JPH3: variants seen among roughly 807,000 people sequenced by gnomAD.
JPH3 encodes junctophilin 3, also known as junctophilin-3.
Under a neutral mutation model 59.6 loss-of-function variants are expected in JPH3, and 11 were observed. The ratio of observed to expected loss-of-function variants is 0.18; its 90% CI spans 0.12 to 0.31. JPH3 has a LOEUF of 0.31. JPH3 is among the 10% of genes least tolerant of loss of function. JPH3 has a pLI of 1.00. For missense variants in JPH3, 1,202 were observed against 1,105.7 expected (o/e 1.09, Z -1.24); for synonymous variants, 673 against 483.6 (o/e 1.39, Z -5.14).
intron 2 of JPH3, among the ~76,000 whole-genome samples, chr16:87,667,267 AG>A (rs1357236961): frequency 4.6e-5 from 7 of 152,302 alleles, no homozygotes; most frequent in African/African-American, 1.7e-4. Context: ...TCTTCTCAAG[AG>A]CCGTACCTTG....
In JPH3 at chr16:87,617,171, C is replaced by T. The variant is rs187389071; in HGVS notation, c.382+13643C>T. On this transcript the variant is annotated intron_variant, in intron 1 of 4. Transcript: ENST00000284262. The stretch of plus-strand genomic sequence containing the variant: ...CTGGGAGGCGGAGGTTGCAGTGAGC[C>T]GAGATTGCGCCGTTGCACTCCAGCC... Among the ~76,000 whole-genome samples the T allele has an allele frequency of 7.8e-3, 1,165 of 149,840 alleles. 17 individuals carry two copies. Among genetic ancestry groups the T allele is most frequent in the African/African-American group, 0.028 (1,099 of 39,336 alleles).
chr16:87,683,559 C>G (rs1252177955), intron 2 of JPH3, among the ~76,000 whole-genome samples: 2 of 152,080 alleles, frequency 1.3e-5, no homozygotes, highest in African/African-American at 4.8e-5. Flanking sequence ...CCGCCTCAGC[C>G]TCCCAAAGTG....
At chr16:87,668,473 T>G (rs2012409528) in intron 2 of JPH3, among the ~76,000 whole-genome samples, 1 of 152,116 alleles carries the variant, frequency 6.6e-6, no homozygotes, top group Admixed American at 6.6e-5. Context: ...GCCTCCCTGT[T>G]AAGGAGAAGC....
At chr16:87,642,094 C>A (rs1219522030) in intron 1 of JPH3, among the ~76,000 whole-genome samples, 2 of 152,094 alleles carry the variant, frequency 1.3e-5, no homozygotes, top group African/African-American at 4.8e-5. Context: ...GGATCAGGAC[C>A]CTTTGGGGGG....
At position 87,683,289 on chromosome 16, in the gene JPH3, A is replaced by G. The variant is rs188858222; in HGVS notation, c.1161-853A>G. 5.9e-5 allele frequency among the ~76,000 whole-genome samples: 9 copies of G among 152,262 alleles called. No homozygotes were observed. In the East Asian group the frequency reaches 1.7e-3, roughly 29 times the overall value. ...TGTGCACATGCTGATGTTTGTTGAT[A>G]ATAAGAACAGAAACATTTTCTTTTT... On this transcript the variant is annotated intron_variant, in intron 2 of 4. Transcript: ENST00000284262.
intron 2 of JPH3, among the ~76,000 whole-genome samples, chr16:87,671,954 TG>T (rs979859390): frequency 6.6e-6 from 1 of 152,158 alleles, no homozygotes; most frequent in Non-Finnish European, 1.5e-5. Context: ...CCTTCGTCTG[TG>T]GGGGGTGGCC....
intron 2 of JPH3, among the ~76,000 whole-genome samples, chr16:87,677,225 C>CAAAAAA (rs59575544): frequency 1.3e-4 from 11 of 81,726 alleles, no homozygotes; most frequent in African/African-American, 4.7e-4. Context: ...CACACACACA[C>CAAAAAA]AAAAAAAAAA....
chr16:87,613,942 T>TGGCCGCAGAATTGTTTCC (rs2030835965), intron 1 of JPH3, among the ~76,000 whole-genome samples: 1 of 152,142 alleles, frequency 6.6e-6, no homozygotes, highest in African/African-American at 2.4e-5. Context: ...AACTTGTTTC[T>TGGCCGCAGAATTGTTTCC]GGCCGCAGAA....
chr16:87,680,455 C>T (rs1055345718), intron 2 of JPH3, among the ~76,000 whole-genome samples: 1 of 152,238 alleles, frequency 6.6e-6, no homozygotes, highest in African/African-American at 2.4e-5. Context: ...TGCCTCTTGC[C>T]TCTGACTCAG....
At chr16:87,628,284 C>T (rs931405331) in intron 1 of JPH3, among the ~76,000 whole-genome samples, 6 of 152,252 alleles carry the variant, frequency 3.9e-5, no homozygotes, top group South Asian at 2.1e-4. Context: ...CTTCCACGGC[C>T]CAGGACAAGC....
Position 87,612,494 on chromosome 16 carries a change from G to A in JPH3, c.382+8966G>A, listed in dbSNP as rs111741032. Among the ~76,000 whole-genome samples, 215 of 152,264 alleles carry A rather than the reference G, an allele frequency of 1.4e-3. 2 individuals carry two copies. The highest frequency in any genetic ancestry group is 4.7e-3 in the African/African-American group (195 of 41,538). Reference sequence around the variant, plus strand: ...ATTCCAGGTGATTCTAACGTTCAGCGCAGGTTGAGGACCACTCATCTGGAG... The same window carrying A: ...ATTCCAGGTGATTCTAACGTTCAGCACAGGTTGAGGACCACTCATCTGGAG... On this transcript the variant is annotated intron_variant, in intron 1 of 4. Transcript: ENST00000284262.
intron 2 of JPH3, among the ~76,000 whole-genome samples, chr16:87,664,130 T>G (rs140775510): frequency 0.066 from 10,026 of 150,854 alleles, 1,126 homozygotes; most frequent in African/African-American, 0.23. Flanking sequence ...AGCAGATTGA[T>G]AGCATCCTGG....
At chr16:87,687,815 G>C (rs2033454521) in intron 3 of JPH3, among the ~76,000 whole-genome samples, 1 of 152,222 alleles carries the variant, frequency 6.6e-6, no homozygotes, top group South Asian at 2.1e-4. Context: ...GCAGTGGGTG[G>C]ACGACCTGGT....
rs58148576 is a variant in JPH3 at position 87,696,391 on chromosome 16, C to G, written c.2167-189C>G. On this transcript the variant is annotated intron_variant, in intron 4 of 4. Coordinates refer to ENST00000284262, the MANE Select transcript of JPH3 (RefSeq NM_020655.4). ...ACGTACAGGCAGCTGGGGCTTCTCT[C>G]CCGCGTCTGGACTTCACGGAGCTCA... 1.0e-2 allele frequency: 5,997 copies of G among 601,412 alleles called. 267 individuals carry two copies. The highest frequency in any genetic ancestry group is 0.097 in the African/African-American group (5,217 of 53,884). The allele number at this position is 601,412 out of a possible 1,614,324, so 37.3% of individuals were successfully genotyped here.
At chr16:87,636,014 G>A (rs774281781) in intron 1 of JPH3, among the ~76,000 whole-genome samples, 2 of 152,246 alleles carry the variant, frequency 1.3e-5, no homozygotes, top group Non-Finnish European at 2.9e-5. Context: ...TCTGGGGGCC[G>A]TGCTGACCGA....
chr16:87,621,284 G>A (rs1040521299), intron 1 of JPH3, among the ~76,000 whole-genome samples: 20 of 152,252 alleles, frequency 1.3e-4, no homozygotes, highest in Non-Finnish European at 2.5e-4. Context: ...GCTCTGTGTC[G>A]GGAGGGGCTG....
At chr16:87,659,692 C>T (rs1258467176) in intron 2 of JPH3, among the ~76,000 whole-genome samples, 2 of 151,890 alleles carry the variant, frequency 1.3e-5, no homozygotes, top group Non-Finnish European at 2.9e-5. Flanking sequence ...GAGATAGCAC[C>T]ACTGCACTCC....
chr16:87,613,384 G>A (rs984752856), intron 1 of JPH3, among the ~76,000 whole-genome samples: 2 of 151,730 alleles, frequency 1.3e-5, no homozygotes, highest in Non-Finnish European at 2.9e-5. Flanking sequence ...CAGGTAGCGT[G>A]AACTCAGCTC....
intron 1 of JPH3, among the ~76,000 whole-genome samples, chr16:87,643,614 C>T (rs990987136): frequency 1.3e-5 from 2 of 152,186 alleles, no homozygotes; most frequent in Admixed American, 6.5e-5. Context: ...TAACCCAGGA[C>T]GCGTTTCCTT....
Sources: gnomAD v4.1 joint callset for allele counts (sites outside exome capture counted in the v4.1 genomes callset) on GRCh38, gnomAD v4.1.1 for gene constraint, MANE v1.5 for transcripts, NCBI Gene and HGNC (gene_info 2026-07-23, HGNC 2026-07-21) for gene names.